Variants in EML4 observed in about 807,000 individuals in gnomAD.
EML4 encodes the protein EMAP like 4, also known as echinoderm microtubule-associated protein-like 4.
Under a neutral mutation model 129.0 loss-of-function variants are expected in EML4, and 72 were observed. The observed-to-expected ratio is 0.56, with a 90% CI of 0.46 to 0.68. The LOEUF is 0.68. Among genes scored for constraint, EML4 ranks in the 30% least tolerant of loss-of-function variants. The probability of loss-of-function intolerance (pLI) is 0.00; values close to 1 mark genes in which losing one functional copy is unlikely to be tolerated. For missense variants in EML4, 1,363 were observed against 1,190.6 expected, an observed-to-expected ratio of 1.14 and a Z score of -2.13; for synonymous variants, 532 against 405.0, an observed-to-expected ratio of 1.31 and a Z score of -3.77.
intron 17 of EML4, among the ~76,000 whole-genome samples, chr2:42,314,997 A>T (rs1041897427): frequency 2.6e-5 from 4 of 152,252 alleles, no homozygotes; most frequent in Non-Finnish European, 5.9e-5. Context: ...CAAAAAATTT[A>T]GAGCTTCCCT....
chr2:42,196,001 C>T lies in EML4; in HGVS notation c.25+26365C>T, dbSNP rs1671875599. Reference sequence around the variant, plus strand: ...GATTGTTTAAATATTGGTCATACTTCTATACTATACATTGACCAGACTTAG... The same window carrying T: ...GATTGTTTAAATATTGGTCATACTTTTATACTATACATTGACCAGACTTAG... On this transcript the variant is annotated intron_variant, in intron 1 of 22. Coordinates refer to ENST00000318522, the MANE Select transcript of EML4 (RefSeq NM_019063.5). 3.3e-5 allele frequency among the ~76,000 whole-genome samples: 5 copies of T among 152,234 alleles called. No individual in the cohort carries two copies. In the South Asian group the frequency reaches 1.0e-3, roughly 32 times the overall value.
At chr2:42,204,154 A>C (rs1000366815) in intron 1 of EML4, among the ~76,000 whole-genome samples, 6 of 152,130 alleles carry the variant, frequency 3.9e-5, no homozygotes, top group Admixed American at 2.0e-4. Flanking sequence ...TCCTGGGCTC[A>C]AGTGATCCTC....
intron 18 of EML4, 80 bp downstream of exon 18, chr2:42,316,130 GCTGA>G (rs1669234550): frequency 1.1e-6 from 1 of 939,450 alleles, no homozygotes; most frequent in Non-Finnish European, 1.7e-6. Context: ...TTCTAATAAG[GCTGA>G]CTACTTTTTT....
intron 19 of EML4, among the ~76,000 whole-genome samples, chr2:42,323,059 T>C (rs565832113): frequency 6.6e-6 from 1 of 152,358 alleles, no homozygotes; most frequent in East Asian, 1.9e-4. Flanking sequence ...ATATATACAA[T>C]GCTTTTGATG....
At chr2:42,174,142 T>C (rs532526604) in intron 1 of EML4, among the ~76,000 whole-genome samples, 1 of 152,350 alleles carries the variant, frequency 6.6e-6, no homozygotes, top group African/African-American at 2.4e-5. Flanking sequence ...TCCATTTCTG[T>C]AACATGTAAA....
intron 1 of EML4, among the ~76,000 whole-genome samples, chr2:42,185,311 A>T (rs572388800): frequency 6.6e-6 from 1 of 152,348 alleles, no homozygotes; most frequent in South Asian, 2.1e-4. Context: ...TTCAATATCC[A>T]TAAATAAAAT....
Position 42,224,383 on chromosome 2 carries a change from C to T in EML4, c.26-21122C>T, listed in dbSNP as rs74615808. ...CATGTTGCAGCATGTATCACTGTTT[C>T]GTTCTTTTTTATTGGAGTAATATTC... On this transcript the variant is annotated intron_variant, in intron 1 of 22. Transcript: ENST00000318522. Among the ~76,000 whole-genome samples the T allele has an allele frequency of 1.6e-4, 25 of 152,216 alleles. 1 individual carries two copies. In the East Asian group the frequency reaches 3.9e-3, roughly 23 times the overall value.
intron 1 of EML4, among the ~76,000 whole-genome samples, chr2:42,197,174 C>T (rs989728277): frequency 2.0e-5 from 3 of 152,064 alleles, no homozygotes; most frequent in Non-Finnish European, 4.4e-5. Flanking sequence ...GTGATACCCC[C>T]ATCTCAGATT....
chr2:42,229,131 G>A (rs112975816), intron 1 of EML4, among the ~76,000 whole-genome samples: 1 of 152,136 alleles, frequency 6.6e-6, no homozygotes, highest in Admixed American at 6.5e-5. Context: ...TGATCTAGGT[G>A]TGGGTTTAGC....
At chr2:42,302,038 T>G (rs1668312670) in intron 14 of EML4, among the ~76,000 whole-genome samples, 1 of 152,106 alleles carries the variant, frequency 6.6e-6, no homozygotes, top group Non-Finnish European at 1.5e-5. Context: ...GATTTATAAT[T>G]CCATTATTTC....
At chr2:42,312,600 C>T (rs923128098) in intron 17 of EML4, among the ~76,000 whole-genome samples, 10 of 151,266 alleles carry the variant, frequency 6.6e-5, no homozygotes, top group African/African-American at 2.2e-4. Context: ...GTCGCCCAGG[C>T]TGGAGTGCAG....
At chr2:42,240,760 A>G (rs1255790355) in intron 1 of EML4, among the ~76,000 whole-genome samples, 3 of 152,172 alleles carry the variant, frequency 2.0e-5, no homozygotes, top group African/African-American at 7.2e-5. Flanking sequence ...GCCATGCATT[A>G]TTTCATCTAA....
intron 1 of EML4, among the ~76,000 whole-genome samples, chr2:42,177,319 A>T (rs746480690): frequency 6.6e-6 from 1 of 152,098 alleles, no homozygotes; most frequent in Non-Finnish European, 1.5e-5. Context: ...TCTCAGAATA[A>T]AAAATTGTAA....
At chr2:42,270,432 C>T (rs941076314) in intron 6 of EML4, among the ~76,000 whole-genome samples, 1 of 152,120 alleles carries the variant, frequency 6.6e-6, no homozygotes, top group Non-Finnish European at 1.5e-5. Context: ...TGGTGGCACA[C>T]GTGTAGTCCC....
At chr2:42,318,653 A>T (rs1669363676) in intron 19 of EML4, among the ~76,000 whole-genome samples, 1 of 152,082 alleles carries the variant, frequency 6.6e-6, no homozygotes, top group Admixed American at 6.6e-5. Context: ...CCACCAAAAG[A>T]AGTTTTCAGA....
chr2:42,239,128 G>A (rs1270850067), intron 1 of EML4, among the ~76,000 whole-genome samples: 1 of 152,194 alleles, frequency 6.6e-6, no homozygotes, highest in East Asian at 1.9e-4. Context: ...TTGCAGCGTA[G>A]TAATTAATAT....
At chr2:42,268,570 G>C (rs146950194) in intron 6 of EML4, among the ~76,000 whole-genome samples, 1 of 152,204 alleles carries the variant, frequency 6.6e-6, no homozygotes, top group East Asian at 1.9e-4. Flanking sequence ...CCAAGTAGCT[G>C]AGACTACAGG....
intron 1 of EML4, among the ~76,000 whole-genome samples, chr2:42,183,097 G>A (rs1671043342): frequency 6.6e-6 from 1 of 152,194 alleles, no homozygotes; most frequent in Admixed American, 6.5e-5. Flanking sequence ...GGAGGTTGCA[G>A]TGAGCTGAGA....
At chr2:42,278,655 C>A (rs1355364820) in intron 6 of EML4, among the ~76,000 whole-genome samples, 1 of 150,320 alleles carries the variant, frequency 6.7e-6, no homozygotes, top group Non-Finnish European at 1.5e-5. Context: ...TAATATTGCC[C>A]AGGCATGGTG....
Sources: gnomAD v4.1 joint callset for allele counts (sites outside exome capture counted in the v4.1 genomes callset) on GRCh38, gnomAD v4.1.1 for gene constraint, MANE v1.5 for transcripts, NCBI Gene and HGNC (gene_info 2026-07-23, HGNC 2026-07-21) for gene names.